Variants in MYO18B observed in about 807,000 individuals in gnomAD.
MYO18B encodes the protein myosin XVIIIB.
In MYO18B, 204 loss-of-function variants were observed where a neutral mutation model predicts 273.0. That is an observed-to-expected ratio of 0.75 (90% CI 0.67 to 0.84). MYO18B has a LOEUF of 0.84. Among genes scored for constraint, MYO18B ranks in the 40% least tolerant of loss-of-function variants. The pLI is 0.00. For missense variants in MYO18B, 3,212 were observed against 3,287.6 expected, an observed-to-expected ratio of 0.98 and a Z score of 0.56; for synonymous variants, 1,330 against 1,305.7, an observed-to-expected ratio of 1.02 and a Z score of -0.40.
Position 25,768,450 on chromosome 22 carries a change from C to T in MYO18B, c.534C>T (p.Cys178=). The change falls in exon 4 of 44, where the codon TGC becomes TGT. Residue 178 remains cysteine, a synonymous_variant. Transcript: ENST00000335473. Reference sequence around the variant, plus strand: ...CTCATCCCCATGACGCCCCCCCTTGCAAGACCTCTCCCCCCGCCACAGATA... The same window carrying T: ...CTCATCCCCATGACGCCCCCCCTTGTAAGACCTCTCCCCCCGCCACAGATA... ...EKTHPHDAPP[C]KTSPPATDTG... 8.8e-7 allele frequency: 1 copy of T among 1,139,734 alleles called. No homozygotes were observed. Among genetic ancestry groups the T allele is most frequent in the South Asian group, 1.2e-5 (1 of 83,842 alleles). 70.6% of individuals were successfully genotyped at this position (1,139,734 alleles called of 1,614,324 possible).
At chr22:26,053,679 G>A in the MYO18B span, among the ~76,000 whole-genome samples, 3 of 152,166 alleles carry the variant, frequency 2.0e-5, no homozygotes, top group African/African-American at 4.8e-5. Context: ...AATTGCATAA[G>A]GGTGATCAGG....
intron 15 of MYO18B, among the ~76,000 whole-genome samples, chr22:25,832,427 G>T (rs1023489086): frequency 1.2e-4 from 18 of 152,140 alleles, no homozygotes; most frequent in Non-Finnish European, 2.4e-4. Flanking sequence ...TTACTAGGAA[G>T]TATTATTCAG....
intron 25 of MYO18B, among the ~76,000 whole-genome samples, chr22:25,882,207 C>T (rs1465707614): frequency 2.6e-5 from 3 of 117,222 alleles, no homozygotes; most frequent in African/African-American, 8.4e-5. Context: ...CATCCCTGTT[C>T]GTCAAATAAT....
chr22:25,821,086 C>G (rs577239265), intron 12 of MYO18B, among the ~76,000 whole-genome samples: 242 of 152,178 alleles, frequency 1.6e-3, no homozygotes, highest in African/African-American at 5.6e-3. Flanking sequence ...TTTTGGACAC[C>G]TAGGTTGATT....
intron 9 of MYO18B, among the ~76,000 whole-genome samples, chr22:25,780,590 C>CAAAAAAA (rs59082074): frequency 1.5e-5 from 1 of 65,206 alleles, no homozygotes; most frequent in African/African-American, 6.4e-5. Context: ...AACTCCATCT[C>CAAAAAAA]AAAAAAAAAA....
intron 25 of MYO18B, among the ~76,000 whole-genome samples, chr22:25,882,459 T>TG (rs2146225933): frequency 6.6e-6 from 1 of 152,220 alleles, no homozygotes; most frequent in East Asian, 1.9e-4. Context: ...AAAGGGGCAC[T>TG]AAGGCATTTA....
At chr22:25,890,398 A>C (rs1324606597) in intron 25 of MYO18B, among the ~76,000 whole-genome samples, 2 of 152,224 alleles carry the variant, frequency 1.3e-5, no homozygotes, top group African/African-American at 4.8e-5. Context: ...GATTCCACTA[A>C]AATGGCCATT....
chr22:25,789,845 C>T (rs2087578842), intron 11 of MYO18B, among the ~76,000 whole-genome samples: 1 of 152,060 alleles, frequency 6.6e-6, no homozygotes, highest in Non-Finnish European at 1.5e-5. Context: ...TAATTCATAA[C>T]AAACTGTATA....
chr22:25,793,045 T>C (rs2087748986), intron 11 of MYO18B, among the ~76,000 whole-genome samples: 1 of 152,068 alleles, frequency 6.6e-6, no homozygotes, highest in Non-Finnish European at 1.5e-5. Context: ...TGGGCAGCAA[T>C]GGGGAACGGT....
At chr22:25,876,710 T>G (rs1248116699) in intron 24 of MYO18B, 1 of 155,654 alleles carries the variant, frequency 6.4e-6, no homozygotes, top group Non-Finnish European at 1.4e-5. Context: ...TGTCACCACC[T>G]ATCTTTTATA....
Position 25,829,762 on chromosome 22 carries a change from C to T in MYO18B, c.2979+794C>T, listed in dbSNP as rs572509832. Among the ~76,000 whole-genome samples, 396 of 152,042 alleles carry T rather than the reference C, an allele frequency of 2.6e-3. 1 individual carries two copies. The highest frequency in any genetic ancestry group is 9.3e-3 in the African/African-American group (386 of 41,486). On this transcript the variant is annotated intron_variant, in intron 15 of 43. Transcript: ENST00000335473. The stretch of plus-strand genomic sequence containing the variant: ...CTGAGGCAGGAGAATCGCTTGAACC[C>T]GGGAGGTGGAGGTCGTGGTGAGCTG...
chr22:25,996,291 TC>T (rs1933233308), intron 40 of MYO18B, among the ~76,000 whole-genome samples: 1 of 47,536 alleles, frequency 2.1e-5, no homozygotes, highest in Non-Finnish European at 4.5e-5. Flanking sequence ...TCAATTGCAT[TC>T]ATTCATTCAT....
chr22:25,824,298 A>G (rs12166618), intron 13 of MYO18B, among the ~76,000 whole-genome samples: 27,305 of 152,020 alleles, frequency 0.18, 2,765 homozygotes, highest in Non-Finnish European at 0.22. Flanking sequence ...CGGAAGTGCT[A>G]GTGGAGACGG....
intron 25 of MYO18B, among the ~76,000 whole-genome samples, chr22:25,885,629 G>A (rs932870431): frequency 3.3e-5 from 5 of 152,128 alleles, no homozygotes; most frequent in African/African-American, 4.8e-5. Context: ...GGACTGGATC[G>A]CAGGGGGTCA....
chr22:25,851,886 G>A (rs1173625902), intron 21 of MYO18B, among the ~76,000 whole-genome samples: 1 of 152,162 alleles, frequency 6.6e-6, no homozygotes, highest in East Asian at 1.9e-4. Context: ...TCAAATTCTT[G>A]CTCTAGACCA....
At chr22:25,896,750 C>T (rs1395016234) in intron 28 of MYO18B, 4 of 152,112 alleles carry the variant, frequency 2.6e-5, no homozygotes, top group Non-Finnish European at 2.9e-5. Flanking sequence ...TAGTAAATGG[C>T]TCCCTGGAAA....
intron 25 of MYO18B, among the ~76,000 whole-genome samples, chr22:25,880,761 C>T (rs530948020): frequency 2.0e-5 from 3 of 152,166 alleles, no homozygotes; most frequent in Admixed American, 6.5e-5. Flanking sequence ...TGAAGTGCTA[C>T]GGATATGAAG....
At chr22:25,974,814 G>C (rs2093071280) in intron 39 of MYO18B, among the ~76,000 whole-genome samples, 1 of 152,160 alleles carries the variant, frequency 6.6e-6, no homozygotes, top group Non-Finnish European at 1.5e-5. Flanking sequence ...ATTCAAATAT[G>C]GAGCCATTTT....
chr22:25,865,088 A>T (rs1231745518), intron 21 of MYO18B, among the ~76,000 whole-genome samples: 1 of 152,240 alleles, frequency 6.6e-6, no homozygotes, highest in African/African-American at 2.4e-5. Flanking sequence ...TTAAATGGGG[A>T]TAAAAATAAC....
Sources: allele counts gnomAD v4.1 joint callset (sites outside exome capture counted in the v4.1 genomes callset), GRCh38; gene constraint gnomAD v4.1.1; transcripts MANE v1.5; gene names NCBI Gene and HGNC (gene_info 2026-07-23, HGNC 2026-07-21).